The following ZNF774 variants were observed in gnomAD, a reference collection of about 807,000 sequenced individuals.
ZNF774 encodes zinc finger protein 774.
Under a neutral mutation model 11.1 loss-of-function variants are expected in ZNF774, and 14 were observed. That is an observed-to-expected ratio of 1.26 (90% CI 0.83 to 1.97). The LOEUF (loss-of-function observed/expected upper bound fraction) is 1.97, where lower values mean the gene tolerates loss of function less well. ZNF774 is among the 30% of genes most tolerant of loss of function. The pLI, the probability that ZNF774 is intolerant of heterozygous loss-of-function variation, is 0.00. For synonymous variants in ZNF774, 195 were observed against 212.6 expected (o/e 0.92, Z 0.72); for missense variants, 599 against 587.0 (o/e 1.02, Z -0.21).
Position 90,360,489 on chromosome 15 carries a change from T to G in ZNF774, c.658T>G (p.Ser220Ala). Residue 220 changes from serine to alanine, a missense_variant, in exon 4 of 4, where the codon TCA becomes GCA. Physicochemically the swap from Ser to Ala is moderately conservative, Grantham distance 99. Transcript: ENST00000354377. Reference protein sequence around the residue: ...KGCEKKFSDSSTLIKHQRTHT... With the variant: ...KGCEKKFSDSATLIKHQRTHT... Reference sequence around the variant, plus strand: ...GTGTGAGAAGAAATTCAGCGACAGCTCAACACTCATCAAACATCAGAGAAC... The same window carrying G: ...GTGTGAGAAGAAATTCAGCGACAGCGCAACACTCATCAAACATCAGAGAAC... 1 of 1,613,698 alleles carries G rather than the reference T, an allele frequency of 6.2e-7. No homozygotes were observed. The highest frequency in any genetic ancestry group is 8.5e-7 in the Non-Finnish European group (1 of 1,180,004).
chr15:90,361,213 G>A lies in ZNF774; in HGVS notation c.1382G>A (p.Cys461Tyr), dbSNP rs1213109357. 4 of 1,613,126 alleles carry A rather than the reference G, an allele frequency of 2.5e-6. No individual in the cohort carries two copies. The highest frequency in any genetic ancestry group is 2.2e-5 in the South Asian group (2 of 90,978). Residue 461 changes from cysteine to tyrosine, a missense_variant, in exon 4 of 4, where the codon TGT becomes TAT. Cys to Tyr is a radical substitution (Grantham distance 194). Transcript: ENST00000354377. ...RTHTGEKPFH[C>Y]SKCNKSFRQK... is the part of the protein sequence containing the mutation. Reference sequence around the variant, plus strand: ...CATACAGGAGAAAAACCTTTCCACTGTAGTAAATGTAACAAGAGCTTCCGT... The same window carrying A: ...CATACAGGAGAAAAACCTTTCCACTATAGTAAATGTAACAAGAGCTTCCGT...
At position 90,360,424 on chromosome 15, in the gene ZNF774, G is replaced by C. The variant is rs201354012; in HGVS notation, c.593G>C (p.Arg198Pro). ...FKQSSDLVTH[R>P]RTHTGEKPYQ... ...CAGAGCTCAGACCTTGTCACCCATC[G>C]CAGAACACACACAGGAGAGAAGCCC... The change falls in exon 4 of 4, where the codon CGC becomes CCC. Residue 198 changes from arginine to proline, a missense_variant. Transcript: ENST00000354377. The C allele has an allele frequency of 6.2e-6, 10 of 1,613,246 alleles. No homozygotes were observed. Among genetic ancestry groups the C allele is most frequent in the Non-Finnish European group, 8.5e-6 (10 of 1,179,944 alleles).
rs753730516 is a variant in ZNF774 at position 90,360,952 on chromosome 15, C to G, written c.1121C>G (p.Pro374Arg). The G allele has an allele frequency of 2.5e-6, 4 of 1,614,192 alleles. No homozygotes were observed. The Admixed American group carries it at 5.0e-5, about 20-fold the overall frequency. ...THQRTHTGER[P>R]FKCENCGKGF... ...CAAAGAACACACACAGGTGAGAGAC[C>G]TTTTAAGTGCGAAAACTGTGGGAAA... Residue 374 changes from proline (P) to arginine (R), a missense_variant, in exon 4 of 4, where the codon CCT becomes CGT. Transcript: ENST00000354377.
At position 90,356,488 on chromosome 15, in the gene ZNF774, C is replaced by T. The variant is rs536068434; in HGVS notation, c.104+1724C>T. Among the ~76,000 whole-genome samples the T allele has an allele frequency of 3.3e-5, 5 of 152,256 alleles. No individual in the cohort carries two copies. In the East Asian group the frequency reaches 5.8e-4, roughly 18 times the overall value. ...CTGAGATTAGAGGTGTGAGCCACTG[C>T]GCCTGGCCTACTTCATCTATTATAC... On this transcript the variant is annotated intron_variant, in intron 2 of 3. Coordinates refer to ENST00000354377, the MANE Select transcript of ZNF774 (RefSeq NM_001004309.3).
chr15:90,360,705 A>G lies in ZNF774; in HGVS notation c.874A>G (p.Arg292Gly), dbSNP rs1964319024. 1.2e-6 allele frequency: 2 copies of G among 1,614,106 alleles called. No homozygotes were observed. Among genetic ancestry groups the G allele is most frequent in the African/African-American group, 1.3e-5 (1 of 74,936 alleles). ...QRTHTGVKPYRCNDCGESFSQ... is the reference protein window; with the variant it reads ...QRTHTGVKPYGCNDCGESFSQ... ...GACCCACACAGGGGTGAAGCCTTACAGGTGTAATGACTGTGGGGAGAGTTT... is the reference window on the plus strand; with the variant it reads ...GACCCACACAGGGGTGAAGCCTTACGGGTGTAATGACTGTGGGGAGAGTTT... Residue 292 changes from arginine (R) to glycine (G), a missense_variant, in exon 4 of 4, where the codon AGG becomes GGG. Arg to Gly is a moderately radical substitution (Grantham distance 125). Transcript: ENST00000354377.
chr15:90,356,123 C>CTTTT (rs576797131), intron 2 of ZNF774, among the ~76,000 whole-genome samples: 4 of 137,332 alleles, frequency 2.9e-5, no homozygotes, highest in Non-Finnish European at 4.6e-5. Context: ...TTCTTTCTTT[C>CTTTT]TTTTTTTTTT....
At position 90,361,898 on chromosome 15, in the gene ZNF774, A is replaced by G. The variant is rs958159157; in HGVS notation, c.*615A>G. 1.3e-5 allele frequency: 2 copies of G among 154,556 alleles called. No individual in the cohort carries two copies. The highest frequency in any genetic ancestry group is 4.8e-5 in the African/African-American group (2 of 41,476). The allele number at this position is 154,556 out of a possible 1,614,324, so 9.6% of individuals were successfully genotyped here. On this transcript the variant is annotated 3_prime_UTR_variant, in exon 4 of 4. Coordinates refer to ENST00000354377, the MANE Select transcript of ZNF774 (RefSeq NM_001004309.3). ...AGATCACATGTTCACCACCTAGTAC[A>G]GTGCCTGGCACAACATAGATGCTCA...
rs1964318829 is a variant in ZNF774, at chr15:90,360,692, G to A, written c.861G>A (p.Gly287=). 6.2e-7 allele frequency: 1 copy of A among 1,614,202 alleles called. No homozygotes were observed. The highest frequency in any genetic ancestry group is 8.5e-7 in the Non-Finnish European group (1 of 1,180,048). ...TCACTCACCAGAGGACCCACACAGG[G>A]GTGAAGCCTTACAGGTGTAATGACT... The part of the protein sequence containing the change: ...NFITHQRTHT[G]VKPYRCNDCG... Residue 287 remains glycine (G), a synonymous_variant, in exon 4 of 4, where the codon GGG becomes GGA. Transcript: ENST00000354377.
At chr15:90,358,481 C>T (rs1964277707) in intron 2 of ZNF774, among the ~76,000 whole-genome samples, 1 of 152,158 alleles carries the variant, frequency 6.6e-6, no homozygotes, top group Admixed American at 6.5e-5. Flanking sequence ...TAAAGCCCAA[C>T]ATTATAGTTA....
intron 1 of ZNF774, among the ~76,000 whole-genome samples, chr15:90,353,520 ACTT>A (rs1204751460): frequency 6.6e-6 from 1 of 150,540 alleles, no homozygotes; most frequent in Non-Finnish European, 1.5e-5. Context: ...AAAGAGTAAA[ACTT>A]CTTCACCACA....
At chr15:90,354,852 T>G in intron 2 of ZNF774, 88 bp downstream of exon 2, 1 of 1,089,492 alleles carries the variant, frequency 9.2e-7, no homozygotes, top group Non-Finnish European at 1.4e-6. Flanking sequence ...TGGAGTGCAG[T>G]GGCGCGATCT....
In ZNF774 at chr15:90,361,208, C is replaced by T. The variant is rs1964331315; in HGVS notation, c.1377C>T (p.Phe459=). 1 of 1,613,976 alleles carries T rather than the reference C, an allele frequency of 6.2e-7. No homozygotes were observed. ...HQRTHTGEKP[F]HCSKCNKSFR... Reference sequence around the variant, plus strand: ...GAACGCATACAGGAGAAAAACCTTTCCACTGTAGTAAATGTAACAAGAGCT... The same window carrying T: ...GAACGCATACAGGAGAAAAACCTTTTCACTGTAGTAAATGTAACAAGAGCT... Residue 459 remains phenylalanine (F), a synonymous_variant, in exon 4 of 4, where the codon TTC becomes TTT. Transcript: ENST00000354377.
Position 90,361,125 on chromosome 15 carries a change from C to G in ZNF774, c.1294C>G (p.Arg432Gly), listed in dbSNP as rs570391915. ...QRIHLGDRPYRCPECGKTFNQ... is the reference protein window; with the variant it reads ...QRIHLGDRPYGCPECGKTFNQ... ...AATCCACTTAGGAGACAGGCCCTAT[C>G]GATGTCCTGAGTGTGGCAAGACCTT... The change falls in exon 4 of 4, where the codon CGA becomes GGA. Residue 432 changes from arginine to glycine, a missense_variant. By Grantham distance (125) the Arg-to-Gly change is moderately radical (BLOSUM62 -2). Coordinates refer to ENST00000354377, the MANE Select transcript of ZNF774 (RefSeq NM_001004309.3). 6.2e-7 allele frequency: 1 copy of G among 1,614,200 alleles called. No homozygotes were observed. Among genetic ancestry groups the G allele is most frequent in the Non-Finnish European group, 8.5e-7 (1 of 1,180,044 alleles).
In ZNF774 at chr15:90,354,732, C is replaced by G; in HGVS notation, c.72C>G (p.His24Gln). The change falls in exon 2 of 4, where the codon CAC becomes CAG. Residue 24 changes from histidine to glutamine, a missense_variant. By Grantham distance (24) the His-to-Gln change is conservative (BLOSUM62 0). Coordinates refer to ENST00000354377, the MANE Select transcript of ZNF774 (RefSeq NM_001004309.3). ...HCLENPLQEC[H>Q]PAQLEEWALK... ...TAGAGAATCCTCTCCAGGAATGCCACCCAGCACAGTTAGAAGAATGGGCTC... is the reference window on the plus strand; with the variant it reads ...TAGAGAATCCTCTCCAGGAATGCCAGCCAGCACAGTTAGAAGAATGGGCTC... 6.2e-7 allele frequency: 1 copy of G among 1,612,394 alleles called. No individual in the cohort carries two copies. Among genetic ancestry groups the G allele is most frequent in the East Asian group, 2.2e-5 (1 of 44,888 alleles).
In ZNF774 at chr15:90,361,943, A is replaced by T. The variant is rs528932881; in HGVS notation, c.*660A>T. 2 of 153,988 alleles carry T rather than the reference A, an allele frequency of 1.3e-5. No homozygotes were observed. The highest frequency in any genetic ancestry group is 2.9e-5 in the Non-Finnish European group (2 of 69,236). 9.5% of individuals were successfully genotyped at this position (153,988 alleles called of 1,614,324 possible). On this transcript the variant is annotated 3_prime_UTR_variant, in exon 4 of 4. Transcript: ENST00000354377. ...TGCTCAATAACTAAATGGTCCCATC[A>T]TTATTAATGATTAATAGTTGAGGTC...
In ZNF774 at chr15:90,353,798, T is replaced by A. The variant is rs1964207030; in HGVS notation, c.-19-844T>A. The stretch of plus-strand genomic sequence containing the variant: ...TTCTTTGTAGAGAAAGAGGTCTCAA[T>A]ATGTTGCTGAGGCTGGTTTATTGGA... On this transcript the variant is annotated intron_variant, in intron 1 of 3. Coordinates refer to ENST00000354377, the MANE Select transcript of ZNF774 (RefSeq NM_001004309.3). Among the ~76,000 whole-genome samples the A allele has an allele frequency of 2.6e-5, 4 of 152,062 alleles. No individual in the cohort carries two copies. The South Asian group carries it at 8.3e-4, about 31-fold the overall frequency.
intron 2 of ZNF774, among the ~76,000 whole-genome samples, chr15:90,356,144 A>G (rs1964246620): frequency 7.0e-6 from 1 of 142,740 alleles, no homozygotes; most frequent in Non-Finnish European, 1.5e-5. Context: ...TTTGTGGCAG[A>G]GTCTCGCTGT....
Position 90,361,231 on chromosome 15 carries a change from G to C in ZNF774, c.1400G>C (p.Ser467Thr). 6.2e-7 allele frequency: 1 copy of C among 1,611,474 alleles called. No homozygotes were observed. The highest frequency in any genetic ancestry group is 8.5e-7 in the Non-Finnish European group (1 of 1,178,692). ...KPFHCSKCNK[S>T]FRQKAHLLCH... ...TTCCACTGTAGTAAATGTAACAAGA[G>C]CTTCCGTCAGAAAGCGCATCTTTTA... The change falls in exon 4 of 4, where the codon AGC (serine) becomes ACC (threonine). Residue 467 changes from serine to threonine, a missense_variant. Ser to Thr is a moderately conservative substitution (Grantham distance 58). Transcript: ENST00000354377.
At chr15:90,355,480 T>G (rs1964230708) in intron 2 of ZNF774, 1 of 455,460 alleles carries the variant, frequency 2.2e-6, no homozygotes, top group African/African-American at 2.0e-5. Flanking sequence ...ATCCCAGCAC[T>G]TTGGTAGGCT....
Sources: gnomAD v4.1 joint callset for allele counts (sites outside exome capture counted in the v4.1 genomes callset) on GRCh38, gnomAD v4.1.1 for gene constraint, MANE v1.5 for transcripts, NCBI Gene and HGNC (gene_info 2026-07-23, HGNC 2026-07-21) for gene names.